RIMS2: variants seen among roughly 807,000 people sequenced by gnomAD.
RIMS2 encodes the protein regulating synaptic membrane exocytosis protein 2.
Under a neutral mutation model 174.4 loss-of-function variants are expected in RIMS2, and 59 were observed. The ratio of observed to expected loss-of-function variants is 0.34; its 90% CI spans 0.27 to 0.42. RIMS2 has a LOEUF of 0.42. Among genes scored for constraint, RIMS2 ranks in the 10% least tolerant of loss-of-function variants. The pLI, the probability that RIMS2 is intolerant of heterozygous loss-of-function variation, is 1.00. For synonymous variants in RIMS2, 606 were observed against 572.5 expected (o/e 1.06, Z -0.84); for missense variants, 1,620 against 1,666.3 (o/e 0.97, Z 0.48).
chr8:103,905,702 A>G (rs1228101906), intron 4 of RIMS2, among the ~76,000 whole-genome samples: 1 of 146,092 alleles, frequency 6.8e-6, no homozygotes, highest in African/African-American at 2.5e-5. Flanking sequence ...TTTCTCCTGG[A>G]CTTACAATGA....
At chr8:104,113,714 A>G (rs1176273001) in intron 19 of RIMS2, among the ~76,000 whole-genome samples, 1 of 151,308 alleles carries the variant, frequency 6.6e-6, no homozygotes. Flanking sequence ...TAATATGTAC[A>G]TATAGTTCTA....
At chr8:103,744,331 A>T (rs950158906) in intron 2 of RIMS2, among the ~76,000 whole-genome samples, 1 of 152,188 alleles carries the variant, frequency 6.6e-6, no homozygotes, top group Non-Finnish European at 1.5e-5. Flanking sequence ...GGCATGAGCC[A>T]CCACGCCCAG....
exon 6 of RIMS2, chr8:103,912,132 G>A: frequency 6.2e-7 from 1 of 1,607,836 alleles, no homozygotes; most frequent in Non-Finnish European, 8.5e-7. Flanking sequence ...CTAAAAGATG[G>A]AAGTGTACCT....
At chr8:103,933,823 ATTGT>A (rs528585594) in intron 12 of RIMS2, among the ~76,000 whole-genome samples, 138 of 152,244 alleles carry the variant, frequency 9.1e-4, no homozygotes, top group Admixed American at 1.4e-3. Context: ...TTAATAAAGG[ATTGT>A]TTGTGCTTTT....
At chr8:103,613,237 A>C (rs1338592966) in intron 1 of RIMS2, among the ~76,000 whole-genome samples, 1 of 152,190 alleles carries the variant, frequency 6.6e-6, no homozygotes, top group Non-Finnish European at 1.5e-5. Flanking sequence ...ACTGTGGCTA[A>C]GGTGACACTT....
intron 4 of RIMS2, among the ~76,000 whole-genome samples, chr8:103,895,888 C>G (rs1010911205): frequency 6.6e-6 from 1 of 151,318 alleles, no homozygotes; most frequent in Admixed American, 6.6e-5. Context: ...AATTGTTAGC[C>G]AAAGATTTGG....
intron 19 of RIMS2, among the ~76,000 whole-genome samples, chr8:104,061,220 G>T (rs145521444): frequency 0.013 from 1,945 of 152,202 alleles, 52 homozygotes; most frequent in African/African-American, 0.045. Context: ...CTCTTTGTAG[G>T]TCACTCAGGA....
intron 19 of RIMS2, among the ~76,000 whole-genome samples, chr8:104,122,902 T>G (rs1014708881): frequency 1.3e-5 from 2 of 152,208 alleles, no homozygotes; most frequent in Non-Finnish European, 2.9e-5. Flanking sequence ...AAGTTATCTT[T>G]CTTCTCAGAA....
intron 19 of RIMS2, among the ~76,000 whole-genome samples, chr8:104,047,169 A>C (rs143710410): frequency 1.3e-4 from 20 of 152,154 alleles, no homozygotes; most frequent in African/African-American, 4.6e-4. Context: ...GTGATTAAGT[A>C]AGTCATTTAA....
At chr8:103,702,046 T>A (rs2097173419) in intron 2 of RIMS2, among the ~76,000 whole-genome samples, 1 of 152,166 alleles carries the variant, frequency 6.6e-6, no homozygotes, top group African/African-American at 2.4e-5. Flanking sequence ...TAATTTACAT[T>A]CCTACCAACA....
At chr8:103,608,869 C>A (rs1168334292) in intron 1 of RIMS2, among the ~76,000 whole-genome samples, 2 of 152,204 alleles carry the variant, frequency 1.3e-5, no homozygotes, top group South Asian at 2.1e-4. Context: ...GTGCACGCAC[C>A]CACTGACCTG....
chr8:103,971,275 T>C (rs1237166482), intron 15 of RIMS2, among the ~76,000 whole-genome samples: 6 of 152,180 alleles, frequency 3.9e-5, no homozygotes, highest in Non-Finnish European at 8.8e-5. Flanking sequence ...TTATTTTTAA[T>C]CTCCATGTGA....
At chr8:103,945,055 C>A (rs2083393911) in intron 14 of RIMS2, among the ~76,000 whole-genome samples, 1 of 151,924 alleles carries the variant, frequency 6.6e-6, no homozygotes, top group African/African-American at 2.4e-5. Flanking sequence ...TTTTCTTCAT[C>A]CAGTGGATAA....
At position 104,166,193 on chromosome 8, in the gene RIMS2, A is replaced by T. The variant is rs376539533; in HGVS notation, c.3335-78723A>T. Among the ~76,000 whole-genome samples the T allele has an allele frequency of 2.5e-4, 38 of 150,396 alleles. No homozygotes were observed. The East Asian group carries it at 4.9e-3, about 20-fold the overall frequency. On this transcript the variant is annotated intron_variant, in intron 19 of 23. Coordinates refer to ENST00000504942, the Ensembl canonical transcript of RIMS2. ...GCCATTCTCCTGCCTCAGCCTCCCG[A>T]GTAGCTGGGACTACAGGCGCCCGCC...
At chr8:104,193,506 A>G (rs1268618868) in intron 19 of RIMS2, among the ~76,000 whole-genome samples, 6 of 152,120 alleles carry the variant, frequency 3.9e-5, no homozygotes, top group Admixed American at 3.9e-4. Flanking sequence ...TGTTTAATTA[A>G]TTTGGGGCCA....
chr8:103,978,362 G>GCTTAAAAAAGGCATCACTGATTA (rs1555078193), intron 16 of RIMS2, among the ~76,000 whole-genome samples: 2 of 151,962 alleles, frequency 1.3e-5, no homozygotes, highest in African/African-American at 4.8e-5. Context: ...AAAAATGGTA[G>GCTTAAAAAAGGCATCACTGATTA]TCAGAGGAAA....
At chr8:103,671,635 G>T (rs906799808) in intron 1 of RIMS2, among the ~76,000 whole-genome samples, 2 of 152,268 alleles carry the variant, frequency 1.3e-5, no homozygotes, top group African/African-American at 4.8e-5. Context: ...GTTTTAAAAT[G>T]CATCAGAATT....
At chr8:103,858,732 T>TACACAC (rs71881969) in intron 3 of RIMS2, among the ~76,000 whole-genome samples, 4 of 145,324 alleles carry the variant, frequency 2.8e-5, no homozygotes, top group East Asian at 2.0e-4. Context: ...TACATACCTA[T>TACACAC]ACACACACAC....
At chr8:103,678,385 G>A (rs1234002573) in intron 1 of RIMS2, among the ~76,000 whole-genome samples, 2 of 152,132 alleles carry the variant, frequency 1.3e-5, no homozygotes, top group African/African-American at 4.8e-5. Flanking sequence ...AATTAGAGAG[G>A]TAGAGATTAA....
Sources: gnomAD v4.1 joint callset for allele counts (sites outside exome capture counted in the v4.1 genomes callset) on GRCh38, gnomAD v4.1.1 for gene constraint, MANE v1.5 for transcripts, NCBI Gene and HGNC (gene_info 2026-07-23, HGNC 2026-07-21) for gene names.